GRM7: variants seen among roughly 807,000 people sequenced by gnomAD.
GRM7 encodes the protein glutamate metabotropic receptor 7.
Under a neutral mutation model 84.5 loss-of-function variants are expected in GRM7, and 35 were observed. That is an observed-to-expected ratio of 0.41 (90% CI 0.32 to 0.55). The LOEUF (loss-of-function observed/expected upper bound fraction) is 0.55. GRM7 is among the 20% of genes least tolerant of loss of function. The pLI is 0.19. For missense variants in GRM7, 1,003 were observed against 1,194.6 expected, an observed-to-expected ratio of 0.84 and a Z score of 2.36; for synonymous variants, 487 against 455.1, an observed-to-expected ratio of 1.07 and a Z score of -0.89.
intron 7 of GRM7, among the ~76,000 whole-genome samples, chr3:7,522,717 G>C (rs1394564611): frequency 6.6e-6 from 1 of 152,192 alleles, no homozygotes; most frequent in African/African-American, 2.4e-5. Flanking sequence ...AGGCTGGTAC[G>C]TGGCAGAATG....
rs578153334 is a variant in GRM7 at position 7,672,186 on chromosome 3, G to A, written c.2452-7863G>A. On this transcript the variant is annotated intron_variant, in intron 8 of 9. Transcript: ENST00000357716. The stretch of plus-strand genomic sequence containing the variant: ...AAAACCCTCAGAGTACTGACCTTCA[G>A]GATGGCTGAAAGAATCCCAATTGCA... 9.2e-5 allele frequency among the ~76,000 whole-genome samples: 14 copies of A among 152,154 alleles called. No individual in the cohort carries two copies. The South Asian group carries it at 2.7e-3, about 29-fold the overall frequency.
intron 4 of GRM7, among the ~76,000 whole-genome samples, chr3:7,359,681 T>C (rs1212716720): frequency 6.8e-6 from 1 of 148,142 alleles, no homozygotes; most frequent in Non-Finnish European, 1.5e-5. Context: ...GAACAGACTT[T>C]TCTGTTCTCT....
chr3:7,350,672 A>G (rs932397543), intron 4 of GRM7, among the ~76,000 whole-genome samples: 12 of 152,272 alleles, frequency 7.9e-5, no homozygotes, highest in African/African-American at 2.6e-4. Flanking sequence ...TCATACCACC[A>G]AGGATAATCC....
intron 1 of GRM7, among the ~76,000 whole-genome samples, chr3:7,094,282 AT>A (rs1005784476): frequency 2.7e-4 from 41 of 152,326 alleles, no homozygotes; most frequent in African/African-American, 9.9e-4. Flanking sequence ...ATCTTGTTTA[AT>A]TTTGTACATC....
intron 4 of GRM7, among the ~76,000 whole-genome samples, chr3:7,382,186 T>C (rs1044800444): frequency 1.3e-5 from 2 of 152,178 alleles, no homozygotes; most frequent in Non-Finnish European, 2.9e-5. Context: ...TTTAGAGTCT[T>C]CTTACTATGA....
At chr3:7,106,284 T>A (rs1012584881) in intron 1 of GRM7, among the ~76,000 whole-genome samples, 19 of 149,700 alleles carry the variant, frequency 1.3e-4, no homozygotes, top group Admixed American at 2.7e-4. Context: ...CTTTTTTTTT[T>A]ATTATACTTT....
chr3:7,611,889 C>CATGTTT (rs1696865387), intron 8 of GRM7, among the ~76,000 whole-genome samples: 1 of 152,098 alleles, frequency 6.6e-6, no homozygotes, highest in South Asian at 2.1e-4. Context: ...AAAAATCATA[C>CATGTTT]ATGTTTTTAA....
At chr3:7,658,734 A>G (rs546725039) in intron 8 of GRM7, among the ~76,000 whole-genome samples, 4 of 152,336 alleles carry the variant, frequency 2.6e-5, no homozygotes, top group African/African-American at 9.6e-5. Context: ...CAGAATGTCA[A>G]ACACCAAATA....
At chr3:7,148,685 A>G (rs1340211616) in intron 2 of GRM7, among the ~76,000 whole-genome samples, 1 of 152,092 alleles carries the variant, frequency 6.6e-6, no homozygotes, top group Non-Finnish European at 1.5e-5. Context: ...ATATATAATG[A>G]CTCTTCAAAA....
In GRM7 at chr3:6,984,715, T is replaced by C. The variant is rs1462647796; in HGVS notation, c.519+122808T>C. Among the ~76,000 whole-genome samples the C allele has an allele frequency of 2.0e-5, 3 of 152,100 alleles. 1 individual carries two copies. The highest frequency in any genetic ancestry group is 4.4e-5 in the Non-Finnish European group (3 of 68,008). Reference sequence around the variant, plus strand: ...TTTTTTTAGCCTTTATGGAGGGGAATTGGCTGACCATCCTTCAGTTGCACT... The same window carrying C: ...TTTTTTTAGCCTTTATGGAGGGGAACTGGCTGACCATCCTTCAGTTGCACT... On this transcript the variant is annotated intron_variant, in intron 1 of 9. Coordinates refer to ENST00000357716, the MANE Select transcript of GRM7 (RefSeq NM_000844.4).
intron 1 of GRM7, among the ~76,000 whole-genome samples, chr3:7,108,337 C>T (rs1357760401): frequency 6.6e-6 from 1 of 151,962 alleles, no homozygotes. Flanking sequence ...AGAGTCTGGG[C>T]ACATGTATGG....
chr3:7,356,514 C>G (rs1693410470), intron 4 of GRM7, among the ~76,000 whole-genome samples: 1 of 151,948 alleles, frequency 6.6e-6, no homozygotes, highest in Non-Finnish European at 1.5e-5. Context: ...GTTGCCTAGC[C>G]TGGTCTCAAA....
intron 8 of GRM7, among the ~76,000 whole-genome samples, chr3:7,629,271 A>C (rs1285149548): frequency 6.6e-6 from 1 of 152,236 alleles, no homozygotes; most frequent in Admixed American, 6.5e-5. Flanking sequence ...GTTGTATATT[A>C]GTCAGCTCAG....
intron 1 of GRM7, among the ~76,000 whole-genome samples, chr3:7,065,175 C>T (rs1161590885): frequency 1.3e-5 from 2 of 151,912 alleles, no homozygotes; most frequent in African/African-American, 4.8e-5. Context: ...TTTTGCTGTG[C>T]AAAAGCTCTT....
intron 2 of GRM7, among the ~76,000 whole-genome samples, chr3:7,271,507 T>C (rs957385165): frequency 2.0e-4 from 28 of 142,528 alleles, no homozygotes; most frequent in Admixed American, 1.4e-3. Flanking sequence ...TGCAGTGAGC[T>C]GAAATCGCGT....
rs140572824 is a variant in GRM7 at position 7,304,170 on chromosome 3, G to A, written c.879-2328G>A. ...TAGGGAACTTAGGGTTCTAATTGCG[G>A]AGGGAAAAATCTAATAGAGCTACTG... is the stretch of plus-strand genomic sequence containing the variant. On this transcript the variant is annotated intron_variant, in intron 3 of 9. Coordinates refer to ENST00000357716, the MANE Select transcript of GRM7 (RefSeq NM_000844.4). Among the ~76,000 whole-genome samples the A allele has an allele frequency of 5.3e-3, 812 of 152,124 alleles. 10 individuals carry two copies. Among genetic ancestry groups the A allele is most frequent in the African/African-American group, 0.019 (771 of 41,550 alleles).
intron 7 of GRM7, among the ~76,000 whole-genome samples, chr3:7,570,262 A>C (rs542353753): frequency 6.6e-6 from 1 of 152,098 alleles, no homozygotes; most frequent in Non-Finnish European, 1.5e-5. Context: ...CAGTCCCCCA[A>C]GTTCTTAAAT....
At chr3:7,691,477 G>T (rs533379239) in intron 9 of GRM7, 1 of 272,812 alleles carries the variant, frequency 3.7e-6, no homozygotes, top group African/African-American at 2.2e-5. Flanking sequence ...TCTGATTGTG[G>T]ATAAGTTTCA....
chr3:6,900,363 A>C (rs2125002228), intron 1 of GRM7, among the ~76,000 whole-genome samples: 1 of 152,346 alleles, frequency 6.6e-6, no homozygotes, highest in Middle Eastern at 3.4e-3. Context: ...TTAAAAGCAC[A>C]ATAAATAATC....
Sources: allele counts gnomAD v4.1 joint callset (sites outside exome capture counted in the v4.1 genomes callset), GRCh38; gene constraint gnomAD v4.1.1; transcripts MANE v1.5; gene names NCBI Gene and HGNC (gene_info 2026-07-23, HGNC 2026-07-21).